The following GARNL3 variants were observed in gnomAD, a reference collection of about 807,000 sequenced individuals.
GARNL3 encodes the protein GTPase activating Rap/RanGAP domain like 3.
GARNL3 carries 63 observed loss-of-function variants against 125.0 expected under a neutral mutation model. That is an observed-to-expected ratio of 0.50 (90% CI 0.41 to 0.62). The LOEUF (loss-of-function observed/expected upper bound fraction) is 0.62. Among genes scored for constraint, GARNL3 ranks in the 20% least tolerant of loss-of-function variants. The pLI is 0.00. For missense variants in GARNL3, 994 were observed against 1,244.0 expected (o/e 0.80, Z 3.02); for synonymous variants, 439 against 457.5 (o/e 0.96, Z 0.52).
At chr9:127,290,184 A>G (rs901239926) in intron 1 of GARNL3, among the ~76,000 whole-genome samples, 2 of 152,280 alleles carry the variant, frequency 1.3e-5, no homozygotes, top group African/African-American at 4.8e-5. Context: ...ATGGCATTCA[A>G]CAAATACCAG....
intron 1 of GARNL3, among the ~76,000 whole-genome samples, chr9:127,241,117 G>A (rs986447672): frequency 2.0e-5 from 3 of 152,304 alleles, no homozygotes; most frequent in South Asian, 2.1e-4. Context: ...ACAGCTCAGC[G>A]TCAGTCACAT....
At chr9:127,270,198 A>G (rs2063792611) in intron 1 of GARNL3, among the ~76,000 whole-genome samples, 1 of 152,070 alleles carries the variant, frequency 6.6e-6, no homozygotes, top group Non-Finnish European at 1.5e-5. Flanking sequence ...TCCCTATTGA[A>G]TGGCCTGGTA....
chr9:127,339,828 G>T, intron 13 of GARNL3, 77 bp downstream of exon 13: 1 of 923,446 alleles, frequency 1.1e-6, no homozygotes, highest in South Asian at 1.3e-5. Flanking sequence ...CCAGAATGCT[G>T]TTTAAGGAAA....
At chr9:127,390,205 A>T (rs1832750294) in intron 26 of GARNL3, among the ~76,000 whole-genome samples, 1 of 152,240 alleles carries the variant, frequency 6.6e-6, no homozygotes, top group Admixed American at 6.5e-5. Flanking sequence ...AGGACTAGAC[A>T]CTAACAAAGT....
rs760007316 is a variant in GARNL3 at position 127,354,300 on chromosome 9, A to G, written c.1649A>G (p.Asp550Gly). Residue 550 changes from aspartate (D) to glycine (G), a missense_variant, in exon 19 of 28, where the codon GAT becomes GGT. Physicochemically the swap from Asp to Gly is moderately conservative, Grantham distance 94. Transcript: ENST00000373387. ...GTCTTTTTTATGTCACCAGGAAAAGATGCTCGCCTCTTTGTCTTCAGGCTA... is the reference window on the plus strand; with the variant it reads ...GTCTTTTTTATGTCACCAGGAAAAGGTGCTCGCCTCTTTGTCTTCAGGCTA... ...LLVLRADKGK[D>G]ARLFVFRLSA... 43 of 1,612,170 alleles carry G rather than the reference A, an allele frequency of 2.7e-5. No individual in the cohort carries two copies. The highest frequency in any genetic ancestry group is 3.5e-5 in the Non-Finnish European group (41 of 1,178,984).
upstream of GARNL3, among the ~76,000 whole-genome samples, chr9:127,259,586 G>A (rs1300840333): frequency 2.6e-5 from 4 of 152,292 alleles, no homozygotes; most frequent in African/African-American, 7.2e-5. Context: ...CATCCTCAGC[G>A]CTGCCCTGGG....
chr9:127,352,503 G>T (rs1588912587), intron 17 of GARNL3, among the ~76,000 whole-genome samples: 1 of 152,210 alleles, frequency 6.6e-6, no homozygotes, highest in East Asian at 1.9e-4. Context: ...GTCTGCCCCA[G>T]CGGAAGTACA....
chr9:127,385,987 C>T lies in GARNL3; in HGVS notation c.2388+842C>T, dbSNP rs535626068. On this transcript the variant is annotated intron_variant, in intron 24 of 27. Coordinates refer to ENST00000373387, the MANE Select transcript of GARNL3 (RefSeq NM_032293.5). The surrounding 1 kb of genome is among the most constrained non-coding windows in gnomAD (Gnocchi z 4.1). ...CATATCTGCATGTATGTATCATATG[C>T]GTGTACATTAGTTGATTGTAAATAG... 1.1e-3 allele frequency among the ~76,000 whole-genome samples: 163 copies of T among 152,232 alleles called. No individual in the cohort carries two copies. Among genetic ancestry groups the T allele is most frequent in the African/African-American group, 3.8e-3 (156 of 41,514 alleles).
chr9:127,325,848 C>T (rs1038308932), intron 7 of GARNL3, among the ~76,000 whole-genome samples: 1 of 152,218 alleles, frequency 6.6e-6, no homozygotes, highest in Non-Finnish European at 1.5e-5. Flanking sequence ...CTCACCCTCT[C>T]TTCTGGTTTC....
intron 1 of GARNL3, among the ~76,000 whole-genome samples, chr9:127,231,038 A>C: frequency 2.2e-5 from 1 of 45,262 alleles, no homozygotes; most frequent in Non-Finnish European, 3.8e-5. Context: ...ATATATACAT[A>C]TATATATATA....
intron 1 of GARNL3, among the ~76,000 whole-genome samples, chr9:127,231,065 T>A (rs1198332599): frequency 7.7e-6 from 1 of 130,356 alleles, no homozygotes; most frequent in Non-Finnish European, 1.6e-5. Context: ...TTTTTTTTTT[T>A]TTTTTTTGAG....
At position 127,369,480 on chromosome 9, in the gene GARNL3, C is replaced by T. The variant is rs548700621; in HGVS notation, c.2161+4114C>T. 3.9e-5 allele frequency among the ~76,000 whole-genome samples: 6 copies of T among 152,290 alleles called. No individual in the cohort carries two copies. In the East Asian group the frequency reaches 1.2e-3, roughly 29 times the overall value. On this transcript the variant is annotated intron_variant, in intron 22 of 27. Coordinates refer to ENST00000373387, the MANE Select transcript of GARNL3 (RefSeq NM_032293.5). ...CAAAGGGAAGGGAGAGACAGAGGCA[C>T]CAGCAAAGTAGACTGAGGAAGAGTG...
At chr9:127,233,243 T>C (rs541915979) in intron 1 of GARNL3, among the ~76,000 whole-genome samples, 56 of 152,288 alleles carry the variant, frequency 3.7e-4, no homozygotes, top group Admixed American at 1.4e-3. Context: ...ATAATATTTC[T>C]AGCATATGTC....
chr9:127,350,549 C>T (rs955861759), intron 17 of GARNL3, among the ~76,000 whole-genome samples: 2 of 151,716 alleles, frequency 1.3e-5, no homozygotes, highest in Non-Finnish European at 1.5e-5. Context: ...CTGAGGTGAG[C>T]GGATCACAAG....
At chr9:127,270,812 TG>T (rs1481751033) in intron 1 of GARNL3, among the ~76,000 whole-genome samples, 2 of 152,366 alleles carry the variant, frequency 1.3e-5, no homozygotes, top group African/African-American at 4.8e-5. Context: ...TTCTTATAAA[TG>T]TTTTTTTATT....
At chr9:127,229,404 C>T (rs1165781785) in intron 1 of GARNL3, among the ~76,000 whole-genome samples, 2 of 152,176 alleles carry the variant, frequency 1.3e-5, no homozygotes, top group African/African-American at 2.4e-5. Flanking sequence ...GAGGCAACAG[C>T]GCCTGCCTCA....
chr9:127,336,682 A>G (rs1219101743), intron 11 of GARNL3, among the ~76,000 whole-genome samples: 1 of 152,188 alleles, frequency 6.6e-6, no homozygotes, highest in Non-Finnish European at 1.5e-5. Context: ...TTGAGAAATG[A>G]TAGAATTAAT....
chr9:127,340,062 T>G (rs996498607), intron 13 of GARNL3, among the ~76,000 whole-genome samples: 1 of 149,016 alleles, frequency 6.7e-6, no homozygotes, highest in Non-Finnish European at 1.5e-5. Context: ...TGCTTGTATA[T>G]GTATCTGTAT....
At chr9:127,358,043 A>G (rs1404927420) in intron 21 of GARNL3, among the ~76,000 whole-genome samples, 2 of 152,186 alleles carry the variant, frequency 1.3e-5, no homozygotes, top group African/African-American at 4.8e-5. Flanking sequence ...CTGAGAGTCT[A>G]CACCCCTGGC....
Sources: gnomAD v4.1 joint callset for allele counts (sites outside exome capture counted in the v4.1 genomes callset) on GRCh38, gnomAD v4.1.1 for gene constraint, Gnocchi (gnomAD v3.1) non-coding constraint, MANE v1.5 for transcripts, NCBI Gene and HGNC (gene_info 2026-07-23, HGNC 2026-07-21) for gene names.